Variants in HDAC9 observed in about 807,000 individuals in gnomAD.
HDAC9 encodes the protein MEF-2 interacting transcription repressor (MITR) protein.
HDAC9 carries 41 observed loss-of-function variants against 139.4 expected under a neutral mutation model. The ratio of observed to expected loss-of-function variants is 0.29; its 90% CI spans 0.23 to 0.38. The LOEUF (loss-of-function observed/expected upper bound fraction) is 0.38, where lower values mean the gene tolerates loss of function less well. Among genes scored for constraint, HDAC9 ranks in the 10% least tolerant of loss-of-function variants. The pLI is 1.00. For synonymous variants in HDAC9, 517 were observed against 476.2 expected, an observed-to-expected ratio of 1.09 and a Z score of -1.12; for missense variants, 1,147 against 1,297.0, an observed-to-expected ratio of 0.88 and a Z score of 1.78.
At chr7:18,670,499 A>G (rs992782677) in intron 12 of HDAC9, among the ~76,000 whole-genome samples, 19 of 152,118 alleles carry the variant, frequency 1.2e-4, no homozygotes, top group African/African-American at 3.6e-4. Flanking sequence ...ACTTTTATCT[A>G]TTACAAACAC....
intron 23 of HDAC9, among the ~76,000 whole-genome samples, chr7:18,950,822 G>A (rs190470180): frequency 6.6e-6 from 1 of 152,042 alleles, no homozygotes; most frequent in Non-Finnish European, 1.5e-5. Context: ...AAACAGAATA[G>A]ATAAAAGTAC....
chr7:18,613,538 TA>T (rs1415961129), intron 6 of HDAC9, among the ~76,000 whole-genome samples: 1 of 152,094 alleles, frequency 6.6e-6, no homozygotes, highest in African/African-American at 2.4e-5. Context: ...ATCCCTCTCC[TA>T]AACAATGAAA....
At chr7:18,762,352 A>G in intron 15 of HDAC9, 75 bp downstream of exon 15, 1 of 1,540,864 alleles carries the variant, frequency 6.5e-7, no homozygotes, top group Non-Finnish European at 8.9e-7. Context: ...TGTCAGTTCA[A>G]AATACTTGGC....
At chr7:18,734,266 C>T (rs1001568621) in intron 13 of HDAC9, among the ~76,000 whole-genome samples, 1 of 152,118 alleles carries the variant, frequency 6.6e-6, no homozygotes, top group African/African-American at 2.4e-5. Context: ...TTCTAGGGTA[C>T]ATGAGCACAA....
At chr7:18,937,789 C>T (rs1425064281) in intron 23 of HDAC9, among the ~76,000 whole-genome samples, 1 of 152,112 alleles carries the variant, frequency 6.6e-6, no homozygotes, top group Non-Finnish European at 1.5e-5. Flanking sequence ...GAAATGTTAC[C>T]TGATTGCAAA....
At chr7:18,989,626 C>T (rs1785691259) in intron 25 of HDAC9, among the ~76,000 whole-genome samples, 1 of 151,216 alleles carries the variant, frequency 6.6e-6, no homozygotes, top group Non-Finnish European at 1.5e-5. Context: ...GGAAGTTCTC[C>T]TGGATAATAT....
At chr7:18,911,716 G>A (rs750298939) in intron 22 of HDAC9, among the ~76,000 whole-genome samples, 1 of 151,706 alleles carries the variant, frequency 6.6e-6, no homozygotes, top group Non-Finnish European at 1.5e-5. Context: ...TTTGTTCCAA[G>A]AATTTTTTAA....
chr7:18,418,424 CAAAAAAA>C lies in HDAC9; in HGVS notation c.-41-77826_-41-77820del, dbSNP rs59702600. Among the ~76,000 whole-genome samples the C allele has an allele frequency of 3.9e-5, 3 of 76,944 alleles. No individual in the cohort carries two copies. The South Asian group carries it at 1.3e-3, about 32-fold the overall frequency. The allele number at this position is 76,944 out of a possible 152,430, so 50.5% of individuals were successfully genotyped here. A position where few individuals can be genotyped will look rare whatever the true frequency, so the allele number is the denominator to read the frequency against. On this transcript the variant is annotated intron_variant, in intron 1 of 3. Coordinates refer to the HDAC9 transcript ENST00000413509. Reference sequence around the variant, plus strand: ...TTAAAAATTGGAAAAGTATACAAACCAAAAAAAAAAAAAAAAAACTACAGCTACACGA... The same window carrying C: ...TTAAAAATTGGAAAAGTATACAAACCAAAAAAAAAAACTACAGCTACACGA...
At chr7:18,403,200 G>A (rs767597342) in intron 1 of HDAC9, among the ~76,000 whole-genome samples, 11 of 151,952 alleles carry the variant, frequency 7.2e-5, no homozygotes, top group Non-Finnish European at 4.4e-5. Context: ...AATACAGTGA[G>A]GTATATACTT....
intron 2 of HDAC9, among the ~76,000 whole-genome samples, chr7:18,520,390 A>G (rs1254635795): frequency 2.0e-5 from 3 of 152,178 alleles, no homozygotes; most frequent in Admixed American, 1.3e-4. Context: ...AATGTCACTC[A>G]CTATTAATAT....
intron 11 of HDAC9, among the ~76,000 whole-genome samples, chr7:18,656,617 T>G (rs1006576093): frequency 3.9e-5 from 6 of 152,102 alleles, no homozygotes; most frequent in Admixed American, 3.9e-4. Context: ...TTTTTGAGGT[T>G]TACAGTGAGG....
At chr7:18,648,406 G>A (rs1242321978) in intron 10 of HDAC9, 60 bp from the exon 11 acceptor site, 6 of 1,024,524 alleles carry the variant, frequency 5.9e-6, no homozygotes, top group African/African-American at 3.4e-5. Context: ...TTGTGTGTGT[G>A]TGTATGTGTG....
At chr7:18,095,293 G>A (rs571951269) in intron 1 of HDAC9, among the ~76,000 whole-genome samples, 24 of 152,042 alleles carry the variant, frequency 1.6e-4, no homozygotes, top group Middle Eastern at 3.4e-3. Flanking sequence ...CTATGTTTTC[G>A]CAGGCTTACA....
chr7:18,992,729 T>G (rs1786085614), intron 25 of HDAC9, among the ~76,000 whole-genome samples: 1 of 152,202 alleles, frequency 6.6e-6, no homozygotes, highest in Admixed American at 6.5e-5. Context: ...TTTTGTAAAT[T>G]ATCTTATGGC....
intron 17 of HDAC9, among the ~76,000 whole-genome samples, chr7:18,824,706 G>A (rs1015284384): frequency 1.4e-4 from 21 of 152,200 alleles, no homozygotes; most frequent in African/African-American, 5.1e-4. Context: ...TATAGTGAGA[G>A]CTCTCTTTGT....
chr7:18,672,345 A>G (rs911843671), intron 12 of HDAC9, among the ~76,000 whole-genome samples: 1 of 152,010 alleles, frequency 6.6e-6, no homozygotes, highest in Non-Finnish European at 1.5e-5. Flanking sequence ...CCATTTCTAT[A>G]ACTTCATTAG....
intron 16 of HDAC9, among the ~76,000 whole-genome samples, chr7:18,782,752 C>T (rs948399291): frequency 4.6e-5 from 7 of 151,882 alleles, no homozygotes; most frequent in South Asian, 4.1e-4. Context: ...CTTCCAGCAT[C>T]GTCTTGTGCT....
chr7:18,767,517 C>T (rs1239338842), intron 16 of HDAC9, among the ~76,000 whole-genome samples: 1 of 152,160 alleles, frequency 6.6e-6, no homozygotes, highest in Non-Finnish European at 1.5e-5. Context: ...CAGCAGAATT[C>T]CATTTTCAAT....
intron 2 of HDAC9, among the ~76,000 whole-genome samples, chr7:18,553,042 C>G (rs542140775): frequency 1.3e-5 from 2 of 152,220 alleles, no homozygotes; most frequent in African/African-American, 4.8e-5. Context: ...TGAACTAGGT[C>G]TTTTGAAAGA....
Sources: allele counts gnomAD v4.1 joint callset (sites outside exome capture counted in the v4.1 genomes callset), GRCh38; gene constraint gnomAD v4.1.1; transcripts MANE v1.5; gene names NCBI Gene and HGNC (gene_info 2026-07-23, HGNC 2026-07-21).